DCC: variants seen among roughly 807,000 people sequenced by gnomAD.
DCC encodes the protein DCC netrin 1 receptor.
A neutral mutation model predicts 172.5 loss-of-function variants in DCC; 58 were observed. That is an observed-to-expected ratio of 0.34 (90% CI 0.27 to 0.42). The LOEUF (loss-of-function observed/expected upper bound fraction) is 0.42. DCC is among the 10% of genes least tolerant of loss of function. The probability of loss-of-function intolerance (pLI) is 1.00; values close to 1 mark genes in which losing one functional copy is unlikely to be tolerated. For synonymous variants in DCC, 709 were observed against 644.5 expected (o/e 1.10, Z -1.52); for missense variants, 1,740 against 1,791.0 (o/e 0.97, Z 0.51).
chr18:53,402,712 A>G lies in DCC; in HGVS notation c.2828-74A>G, dbSNP rs1909386635. 1.3e-5 allele frequency: 14 copies of G among 1,060,552 alleles called. 1 individual carries two copies. In the South Asian group the frequency reaches 1.5e-4, roughly 11 times the overall value. The allele number at this position is 1,060,552 out of a possible 1,614,324, so 65.7% of individuals were successfully genotyped here. A position where few individuals can be genotyped will look rare whatever the true frequency, so the allele number is the denominator to read the frequency against. ...TTGATAGATTCTGAATGTCAACATC[A>G]TGATGAAATTTCCAACAATGTTTAT... is the stretch of plus-strand genomic sequence containing the variant. On this transcript the variant is annotated intron_variant, in intron 18 of 28. Coordinates refer to ENST00000442544, the MANE Select transcript of DCC (RefSeq NM_005215.4).
intron 1 of DCC, among the ~76,000 whole-genome samples, chr18:52,747,660 C>T (rs1393718362): frequency 6.6e-6 from 1 of 152,164 alleles, no homozygotes; most frequent in Non-Finnish European, 1.5e-5. Context: ...GTCTTCCTCT[C>T]TTCATACATT....
chr18:53,483,830 A>T (rs974576521), intron 25 of DCC, among the ~76,000 whole-genome samples: 2 of 151,912 alleles, frequency 1.3e-5, no homozygotes, highest in Non-Finnish European at 2.9e-5. Context: ...GTTATCACTT[A>T]ATGACATGAA....
intron 1 of DCC, among the ~76,000 whole-genome samples, chr18:52,533,880 T>C (rs1343224996): frequency 2.0e-5 from 3 of 152,154 alleles, no homozygotes; most frequent in Non-Finnish European, 4.4e-5. Flanking sequence ...GGTGATCCAG[T>C]TTCTCTTCAC....
At chr18:53,349,873 A>T (rs2057768773) in intron 15 of DCC, among the ~76,000 whole-genome samples, 1 of 152,170 alleles carries the variant, frequency 6.6e-6, no homozygotes. Flanking sequence ...TTGGGCGGGG[A>T]CACAGCCAAA....
At chr18:52,936,753 C>T (rs905226004) in intron 5 of DCC, among the ~76,000 whole-genome samples, 9 of 152,180 alleles carry the variant, frequency 5.9e-5, no homozygotes, top group Non-Finnish European at 8.8e-5. Context: ...CCTGAAGAAA[C>T]GGAAGTAGAC....
chr18:52,697,287 C>T (rs997470785), intron 1 of DCC, among the ~76,000 whole-genome samples: 2 of 152,184 alleles, frequency 1.3e-5, no homozygotes, highest in African/African-American at 4.8e-5. Flanking sequence ...CACACACATG[C>T]AATGTGGAAG....
At chr18:53,445,903 ACAG>A (rs1912566671) in intron 22 of DCC, among the ~76,000 whole-genome samples, 1 of 151,874 alleles carries the variant, frequency 6.6e-6, no homozygotes, top group Non-Finnish European at 1.5e-5. Context: ...TATTATGCTA[ACAG>A]CAGAGACAGG....
intron 14 of DCC, among the ~76,000 whole-genome samples, chr18:53,324,405 C>T (rs907900163): frequency 6.6e-6 from 1 of 152,122 alleles, no homozygotes; most frequent in Admixed American, 6.6e-5. Flanking sequence ...AAAGTCTATA[C>T]ACCCAAGGAG....
intron 25 of DCC, among the ~76,000 whole-genome samples, chr18:53,480,385 G>T (rs1599199174): frequency 6.6e-6 from 1 of 152,092 alleles, no homozygotes; most frequent in South Asian, 2.1e-4. Context: ...CCTTCCTTCA[G>T]CTTATAAATG....
At chr18:52,441,940 T>C (rs1174419011) in intron 1 of DCC, among the ~76,000 whole-genome samples, 1 of 152,146 alleles carries the variant, frequency 6.6e-6, no homozygotes, top group Non-Finnish European at 1.5e-5. Context: ...ATTTGCAAAC[T>C]CTGTTTGCAA....
At chr18:52,827,216 C>G (rs951433878) in intron 2 of DCC, among the ~76,000 whole-genome samples, 3 of 152,158 alleles carry the variant, frequency 2.0e-5, no homozygotes, top group African/African-American at 7.2e-5. Flanking sequence ...GTTCATTGAA[C>G]TCAAATAGTC....
intron 15 of DCC, among the ~76,000 whole-genome samples, chr18:53,364,604 TAAATG>T (rs907606748): frequency 4.6e-5 from 7 of 152,010 alleles, no homozygotes; most frequent in African/African-American, 1.7e-4. Flanking sequence ...AAAATAAAAA[TAAATG>T]GGTAAATGGG....
chr18:53,440,152 T>C (rs1487961813), intron 22 of DCC, among the ~76,000 whole-genome samples: 1 of 152,236 alleles, frequency 6.6e-6, no homozygotes, highest in Non-Finnish European at 1.5e-5. Flanking sequence ...AAATGTGTTT[T>C]GTAGTTTATA....
At chr18:53,005,284 T>C (rs1178889183) in intron 5 of DCC, among the ~76,000 whole-genome samples, 5 of 152,200 alleles carry the variant, frequency 3.3e-5, no homozygotes, top group African/African-American at 9.7e-5. Context: ...TCTGTTGACA[T>C]TGGAATATTT....
intron 1 of DCC, among the ~76,000 whole-genome samples, chr18:52,408,700 G>T (rs1429058931): frequency 6.6e-6 from 1 of 152,022 alleles, no homozygotes; most frequent in South Asian, 2.1e-4. Flanking sequence ...TTAAGCATAT[G>T]GTACTGGAAA....
chr18:52,416,564 G>T (rs1987037894), intron 1 of DCC, among the ~76,000 whole-genome samples: 1 of 151,400 alleles, frequency 6.6e-6, no homozygotes, highest in African/African-American at 2.4e-5. Flanking sequence ...CTCCTGTATT[G>T]GGTGCATATA....
At chr18:52,457,858 T>C (rs1988505752) in intron 1 of DCC, among the ~76,000 whole-genome samples, 1 of 152,142 alleles carries the variant, frequency 6.6e-6, no homozygotes. Flanking sequence ...AGTTATCCTC[T>C]CAAAGATCTT....
At chr18:52,482,556 C>T (rs531535962) in intron 1 of DCC, among the ~76,000 whole-genome samples, 255 of 151,028 alleles carry the variant, frequency 1.7e-3, no homozygotes, top group African/African-American at 5.8e-3. Flanking sequence ...TTCTTGTATC[C>T]TCACATGGTA....
intron 5 of DCC, among the ~76,000 whole-genome samples, chr18:53,001,758 T>A (rs1349963227): frequency 3.9e-5 from 6 of 152,106 alleles, no homozygotes; most frequent in African/African-American, 1.4e-4. Context: ...CCCCCTTTAA[T>A]CTTAATTTTT....
Sources: allele counts gnomAD v4.1 joint callset (sites outside exome capture counted in the v4.1 genomes callset), GRCh38; gene constraint gnomAD v4.1.1; transcripts MANE v1.5; gene names NCBI Gene and HGNC (gene_info 2026-07-23, HGNC 2026-07-21).